The following FAM174C variants were observed in gnomAD, a reference collection of about 807,000 sequenced individuals.
The protein encoded by FAM174C is protein FAM174C.
Under a neutral mutation model 12.3 loss-of-function variants are expected in FAM174C, and 19 were observed. The ratio of observed to expected loss-of-function variants is 1.55; its 90% confidence interval spans 1.08 to 2.27. FAM174C has a LOEUF of 2.27. FAM174C is among the 30% of genes most tolerant of loss of function. The pLI is 0.00. For missense variants in FAM174C, 239 were observed against 190.2 expected, an observed-to-expected ratio of 1.26 and a Z score of -1.51; for synonymous variants, 147 against 103.5, an observed-to-expected ratio of 1.42 and a Z score of -2.55.
At chr19:1,277,398 C>G in intron 2 of FAM174C, 99 bp downstream of exon 2, 1 of 1,460,448 alleles carries the variant, frequency 6.8e-7, no homozygotes, top group African/African-American at 1.4e-5. Context: ...GTGGTCCCTG[C>G]AATCACAGCT....
chr19:1,275,609 G>A lies in FAM174C; in HGVS notation c.60G>A (p.Ala20=), dbSNP rs1296886269. 5 of 1,253,998 alleles carry A rather than the reference G, an allele frequency of 4.0e-6. No homozygotes were observed. The highest frequency in any genetic ancestry group is 4.3e-5 in the Admixed American group (1 of 23,368). 77.7% of individuals were successfully genotyped at this position (1,253,998 alleles called of 1,614,324 possible). A position where few individuals can be genotyped will look rare whatever the true frequency, so the allele number is the denominator to read the frequency against. Residue 20 remains alanine, a synonymous_variant, in exon 1 of 3, where the codon GCG becomes GCA. Transcript: ENST00000409293. ...TGCTCCTGCTGGCGCTGCTGCTGGCGGCGCTGCCGTGCGGTGCCGAAGAGG... is the reference window on the plus strand; with the variant it reads ...TGCTCCTGCTGGCGCTGCTGCTGGCAGCGCTGCCGTGCGGTGCCGAAGAGG... ...LLLLLLALLL[A]ALPCGAEEAS... is the part of the protein sequence containing the mutation.
chr19:1,275,591 G>A lies in FAM174C; in HGVS notation c.42G>A (p.Leu14=). The A allele has an allele frequency of 4.0e-6, 5 of 1,242,878 alleles. No homozygotes were observed. In the Admixed American group the frequency reaches 1.7e-4, roughly 43 times the overall value. 77.0% of individuals were successfully genotyped at this position (1,242,878 alleles called of 1,614,324 possible). A position where few individuals can be genotyped will look rare whatever the true frequency, so the allele number is the denominator to read the frequency against. The change falls in exon 1 of 3, where the codon CTG becomes CTA. Residue 14 remains leucine (L), a synonymous_variant. Transcript: ENST00000409293. ...RVLQPPLLLL[L]LALLLAALPC... is the part of the protein sequence containing the mutation. ...TGCAGCCGCCGCTGCTGCTGCTCCT[G>A]CTGGCGCTGCTGCTGGCGGCGCTGC... is the stretch of plus-strand genomic sequence containing the variant.
Position 1,278,942 on chromosome 19 carries a change from G to A in FAM174C, c.*165G>A. ...GAGAGCTCCTTTTGGAACCTGCACAGCCCGCCGACCTGTTGCCACCTGCAC... is the reference window on the plus strand; with the variant it reads ...GAGAGCTCCTTTTGGAACCTGCACAACCCGCCGACCTGTTGCCACCTGCAC... On this transcript the variant is annotated 3_prime_UTR_variant, in exon 3 of 3. Coordinates refer to ENST00000409293, the MANE Select transcript of FAM174C (RefSeq NM_017914.4). 1 of 1,613,030 alleles carries A rather than the reference G, an allele frequency of 6.2e-7. No homozygotes were observed. The highest frequency in any genetic ancestry group is 1.1e-5 in the South Asian group (1 of 91,086).
chr19:1,277,079 C>G (rs2081418733), intron 1 of FAM174C, 104 bp from the exon 2 acceptor site: 2 of 1,431,418 alleles, frequency 1.4e-6, no homozygotes, highest in South Asian at 1.5e-5. Context: ...AGGTCTGCAG[C>G]AGGGCTCGGG....
At chr19:1,276,776 C>G (rs2081417452) in intron 1 of FAM174C, 1 of 161,194 alleles carries the variant, frequency 6.2e-6, no homozygotes, top group South Asian at 1.6e-4. Context: ...CGCGCTCTCC[C>G]CTGCCTGTAT....
intron 2 of FAM174C, 63 bp downstream of exon 2, chr19:1,277,362 C>A: frequency 1.3e-6 from 2 of 1,511,798 alleles, no homozygotes; most frequent in East Asian, 5.0e-5. Context: ...CTCAGCAGGA[C>A]CCTGGGGACT....
chr19:1,278,648 G>A (rs2081426194), intron 2 of FAM174C, 129 bp from the exon 3 acceptor site: 5 of 1,501,968 alleles, frequency 3.3e-6, no homozygotes, highest in Non-Finnish European at 3.6e-6. Flanking sequence ...GGCCAGTGGG[G>A]GGAGGCTGGG....
intron 1 of FAM174C, chr19:1,276,138 G>T: frequency 2.4e-6 from 1 of 423,334 alleles, no homozygotes; most frequent in Non-Finnish European, 4.3e-6. Flanking sequence ...GCCGGGCAGG[G>T]GTCAGGCCCT....
At position 1,275,820 on chromosome 19, in the gene FAM174C, C is replaced by T. The variant is rs971671846; in HGVS notation, c.271C>T (p.Arg91Trp). The change falls in exon 1 of 3, where the codon CGG becomes TGG. Residue 91 changes from arginine to tryptophan, a missense_variant. Arg to Trp is a moderately radical substitution (Grantham distance 101, BLOSUM62 -3). Transcript: ENST00000409293. ...CGLTALYFLI[R>W]AFRLKKPQRR... ...CCTGACCGCGCTCTACTTCCTGATC[C>T]GGGCGTTTAGGTGCGTCAGGCGCAC... 3.9e-6 allele frequency: 6 copies of T among 1,537,002 alleles called. No homozygotes were observed. The highest frequency in any genetic ancestry group is 1.4e-5 in the African/African-American group (1 of 72,882).
rs1024008315 is a variant in FAM174C at position 1,279,139 on chromosome 19, C to G, written c.*362C>G. ...CCCGTGGGGACATGGCAGCCCAGAG[C>G]CAAGGCTGGGTGGGCAGGTGACCCA... On this transcript the variant is annotated 3_prime_UTR_variant, in exon 3 of 3. Coordinates refer to ENST00000409293, the MANE Select transcript of FAM174C (RefSeq NM_017914.4). The G allele has an allele frequency of 6.2e-6, 10 of 1,613,034 alleles. No homozygotes were observed. The East Asian group carries it at 2.2e-4, about 36-fold the overall frequency.
chr19:1,276,166 T>A (rs2081413883), intron 1 of FAM174C: 1 of 318,494 alleles, frequency 3.1e-6, no homozygotes, highest in East Asian at 6.5e-5. Flanking sequence ...CGAGGGGGCC[T>A]CCTTGGCTCC....
At chr19:1,275,939 C>CCTCTCTCCCTCT in intron 1 of FAM174C, 109 bp downstream of exon 1, 8 of 1,007,862 alleles carry the variant, frequency 7.9e-6, no homozygotes, top group South Asian at 3.0e-5. Flanking sequence ...TCCCTCCCTC[C>CCTCTCTCCCTCT]CTCTCTCCCT....
At chr19:1,275,925 TCC>T (rs2081411728) in intron 1 of FAM174C, 95 bp downstream of exon 1, 3 of 895,754 alleles carry the variant, frequency 3.3e-6, no homozygotes, top group African/African-American at 2.1e-5. Flanking sequence ...CTCCCCTCCC[TCC>T]CTCCCTCCCT....
chr19:1,279,095 CTTG>C lies in FAM174C; in HGVS notation c.*320_*322del, dbSNP rs1568850295. ...CTGAGGCTCCCTTGCCTGACTGTGA[CTTG>C]TGCCTCTCTCCTGCCCCCGTGGGGA... is the stretch of plus-strand genomic sequence containing the variant. On this transcript the variant is annotated 3_prime_UTR_variant, in exon 3 of 3. Coordinates refer to ENST00000409293, the MANE Select transcript of FAM174C (RefSeq NM_017914.4). 6.2e-7 allele frequency: 1 copy of C among 1,612,756 alleles called. No individual in the cohort carries two copies. The highest frequency in any genetic ancestry group is 8.5e-7 in the Non-Finnish European group (1 of 1,180,002).
intron 1 of FAM174C, chr19:1,276,937 C>G (rs910633052): frequency 5.1e-6 from 2 of 396,036 alleles, no homozygotes; most frequent in African/African-American, 4.1e-5. Flanking sequence ...GCGTGCCTCT[C>G]CTGGGGTCCT....
intron 2 of FAM174C, among the ~76,000 whole-genome samples, chr19:1,278,376 G>A (rs1216465105): frequency 6.6e-6 from 1 of 152,108 alleles, no homozygotes; most frequent in Non-Finnish European, 1.5e-5. Context: ...GGGAATGATG[G>A]GTATGTTGCG....
rs2081408341 is a variant in FAM174C, at chr19:1,275,620, G to C, written c.71G>C (p.Cys24Ser). The C allele has an allele frequency of 7.7e-7, 1 of 1,298,882 alleles. No individual in the cohort carries two copies. Among genetic ancestry groups the C allele is most frequent in the South Asian group, 2.3e-5 (1 of 42,766 alleles). The allele number at this position is 1,298,882 out of a possible 1,614,324, so 80.5% of individuals were successfully genotyped here. The part of the protein sequence containing the change: ...LLALLLAALP[C>S]GAEEASPLRP... ...GCGCTGCTGCTGGCGGCGCTGCCGTGCGGTGCCGAAGAGGCCTCGCCGCTG... is the reference window on the plus strand; with the variant it reads ...GCGCTGCTGCTGGCGGCGCTGCCGTCCGGTGCCGAAGAGGCCTCGCCGCTG... The change falls in exon 1 of 3, where the codon TGC (cysteine) becomes TCC (serine). Residue 24 changes from cysteine (C) to serine (S), a missense_variant. Physicochemically the swap from Cys to Ser is moderately radical, Grantham distance 112. Transcript: ENST00000409293.
chr19:1,275,706 G>GCGCCACACAACAGCACGCACA lies in FAM174C; in HGVS notation c.161_181dup (p.Pro54_Thr60dup). The GCGCCACACAACAGCACGCACA allele has an allele frequency of 1.3e-6, 2 of 1,489,842 alleles. No individual in the cohort carries two copies. The highest frequency in any genetic ancestry group is 2.4e-5 in the Admixed American group (1 of 41,464). 92.3% of individuals were successfully genotyped at this position (1,489,842 alleles called of 1,614,324 possible). On this transcript the variant is annotated inframe_insertion, in exon 1 of 3. Coordinates refer to ENST00000409293, the MANE Select transcript of FAM174C (RefSeq NM_017914.4). ...CGTGACGAACGGGAGCCAGCCGGGC[G>GCGCCACACAACAGCACGCACA]CGCCACACAACAGCACGCACACGCG...
rs532337365 is a variant in FAM174C, at chr19:1,278,869, G to A, written c.*92G>A. On this transcript the variant is annotated 3_prime_UTR_variant, in exon 3 of 3. Coordinates refer to ENST00000409293, the MANE Select transcript of FAM174C (RefSeq NM_017914.4). ...GTGCCCAGCAACCCCCTGCTCCACC[G>A]CTCATTCCCCTGCTGGCCCCGGGGC... is the stretch of plus-strand genomic sequence containing the variant. 12 of 1,613,020 alleles carry A rather than the reference G, an allele frequency of 7.4e-6. No homozygotes were observed. In the South Asian group the frequency reaches 7.7e-5, roughly 10 times the overall value.
Sources: gnomAD v4.1 joint callset for allele counts (sites outside exome capture counted in the v4.1 genomes callset) on GRCh38, gnomAD v4.1.1 for gene constraint, MANE v1.5 for transcripts, NCBI Gene and HGNC (gene_info 2026-07-23, HGNC 2026-07-21) for gene names.